BTN3A1: variants seen among roughly 807,000 people sequenced by gnomAD.
BTN3A1 encodes the protein dJ45P21.3 (butyrophilin, subfamily 3, member A1).
Under a neutral mutation model 43.0 loss-of-function variants are expected in BTN3A1, and 24 were observed. The ratio of observed to expected loss-of-function variants is 0.56; its 90% CI spans 0.40 to 0.78. The LOEUF (loss-of-function observed/expected upper bound fraction) is 0.78, where lower values mean the gene tolerates loss of function less well. Among genes scored for constraint, BTN3A1 ranks in the 30% least tolerant of loss-of-function variants. The pLI is 0.00. For synonymous variants in BTN3A1, 181 were observed against 234.7 expected, an observed-to-expected ratio of 0.77 and a Z score of 2.09; for missense variants, 533 against 626.2, an observed-to-expected ratio of 0.85 and a Z score of 1.59.
chr6:26,411,062 C>CA, intron 7 of BTN3A1, 47 bp from the exon 8 acceptor site: 1 of 1,288,244 alleles, frequency 7.8e-7, no homozygotes, highest in Non-Finnish European at 1.1e-6. Flanking sequence ...GGGGCCAAAT[C>CA]AAAAATGGCA....
intron 4 of BTN3A1, among the ~76,000 whole-genome samples, chr6:26,408,406 A>T (rs1762094273): frequency 6.6e-6 from 1 of 152,248 alleles, no homozygotes; most frequent in Non-Finnish European, 1.5e-5. Flanking sequence ...TTAGAGAAAC[A>T]TACTGAATCA....
chr6:26,411,273 G>T, intron 8 of BTN3A1, 138 bp downstream of exon 8: 3 of 1,230,186 alleles, frequency 2.4e-6, no homozygotes, highest in South Asian at 1.5e-5. Context: ...GTGTTGTGGG[G>T]GGTTGATTTC....
intron 1 of BTN3A1, among the ~76,000 whole-genome samples, chr6:26,402,759 T>G (rs1418190352): frequency 6.6e-6 from 1 of 152,232 alleles, no homozygotes; most frequent in Non-Finnish European, 1.5e-5. Context: ...TAGATTCATA[T>G]GTAAATTTGT....
chr6:26,407,148 T>C (rs1399580218), intron 3 of BTN3A1, among the ~76,000 whole-genome samples: 1 of 152,208 alleles, frequency 6.6e-6, no homozygotes, highest in Non-Finnish European at 1.5e-5. Context: ...GAAATTGCTT[T>C]TGTTCAACAG....
At chr6:26,402,522 G>C (rs1280092055) in intron 1 of BTN3A1, 110 bp downstream of exon 1, 1 of 152,388 alleles carries the variant, frequency 6.6e-6, no homozygotes, top group Non-Finnish European at 1.5e-5. Context: ...CCCAGAGAAA[G>C]GGGTGTGTGC....
Position 26,411,102 on chromosome 6 carries a change from A to G in BTN3A1, c.965-7A>G. 6.3e-7 allele frequency: 1 copy of G among 1,599,698 alleles called. No individual in the cohort carries two copies. The highest frequency in any genetic ancestry group is 8.5e-7 in the Non-Finnish European group (1 of 1,174,458). ...CAGGTGACATCTCTATCTTTTTTTC[A>G]TTGTAGGGGGAGAGAGACATTCAGC... On this transcript the variant is annotated splice_polypyrimidine_tract_variant and splice_region_variant and intron_variant, in intron 7 of 9. Transcript: ENST00000289361.
In BTN3A1 at chr6:26,413,415, T is replaced by C; in HGVS notation, c.1265T>C (p.Val422Ala). ...AAGAATGTGCAGAGAAAAGGCTGGG[T>C]CAAAATGACACCTGAGAATGGATTC... ...CSKNVQRKGWVKMTPENGFWT... is the reference protein window; with the variant it reads ...CSKNVQRKGWAKMTPENGFWT... The change falls in exon 10 of 10, where the codon GTC (valine) becomes GCC (alanine). Residue 422 changes from valine to alanine, a missense_variant. By Grantham distance (64) the Val-to-Ala change is moderately conservative (BLOSUM62 0). Coordinates refer to ENST00000289361, the MANE Select transcript of BTN3A1 (RefSeq NM_007048.6). 2 of 1,613,792 alleles carry C rather than the reference T, an allele frequency of 1.2e-6. No homozygotes were observed. The highest frequency in any genetic ancestry group is 1.7e-6 in the Non-Finnish European group (2 of 1,179,954).
rs781510381 is a variant in BTN3A1 at position 26,405,620 on chromosome 6, T to G, written c.57T>G (p.Leu19=). 1 of 1,614,162 alleles carries G rather than the reference T, an allele frequency of 6.2e-7. No homozygotes were observed. Among genetic ancestry groups the G allele is most frequent in the South Asian group, 1.1e-5 (1 of 91,080 alleles). Residue 19 remains leucine (L), a synonymous_variant, in exon 2 of 10, where the codon CTT becomes CTG. Transcript: ENST00000289361. ...FLLLNFRVCL[L]LLQLLMPHSA... The stretch of plus-strand genomic sequence containing the variant: ...TGCTCAACTTTCGTGTCTGCCTCCT[T>G]TTGCTTCAGCTGCTCATGCCTCACT...
intron 7 of BTN3A1, among the ~76,000 whole-genome samples, 187 bp from the exon 8 acceptor site, chr6:26,410,922 G>A (rs974080635): frequency 4.8e-5 from 7 of 145,322 alleles, no homozygotes; most frequent in Admixed American, 1.4e-4. Flanking sequence ...ACTAGCATTC[G>A]ACTGATGTTC....
rs1353785332 is a variant in BTN3A1 at position 26,405,529 on chromosome 6, C to G, written c.-35C>G. ...CTTCTTCCAGGTCATAGTGTCTGCC[C>G]CCCACCTTCCAGTATCTCCTGATAT... is the stretch of plus-strand genomic sequence containing the variant. On this transcript the variant is annotated 5_prime_UTR_variant, in exon 2 of 10. Coordinates refer to ENST00000289361, the MANE Select transcript of BTN3A1 (RefSeq NM_007048.6). The G allele has an allele frequency of 6.3e-7, 1 of 1,596,120 alleles. No homozygotes were observed. Among genetic ancestry groups the G allele is most frequent in the East Asian group, 2.2e-5 (1 of 44,782 alleles).
At position 26,405,451 on chromosome 6, in the gene BTN3A1, C is replaced by T. The variant is rs1761979825; in HGVS notation, c.-113C>T. On this transcript the variant is annotated 5_prime_UTR_variant, in exon 2 of 10. Coordinates refer to ENST00000289361, the MANE Select transcript of BTN3A1 (RefSeq NM_007048.6). ...GCAGAGGAAAGATCTTCTTCGGTCA[C>T]CATACTTGAGTTAGCTCTAGGGAAG... is the stretch of plus-strand genomic sequence containing the variant. 2 of 1,031,322 alleles carry T rather than the reference C, an allele frequency of 1.9e-6. No individual in the cohort carries two copies. Among genetic ancestry groups the T allele is most frequent in the Non-Finnish European group, 3.0e-6 (2 of 667,632 alleles). The allele number at this position is 1,031,322 out of a possible 1,614,324, so 63.9% of individuals were successfully genotyped here.
intron 1 of BTN3A1, among the ~76,000 whole-genome samples, chr6:26,405,123 A>G (rs1039311726): frequency 6.6e-6 from 1 of 152,174 alleles, no homozygotes; most frequent in African/African-American, 2.4e-5. Flanking sequence ...CCATGAGTTG[A>G]CCATGGTGAT....
rs1254019114 is a variant in BTN3A1 at position 26,405,633 on chromosome 6, C to T, written c.70C>T (p.Leu24Phe). 3 of 1,614,198 alleles carry T rather than the reference C, an allele frequency of 1.9e-6. No homozygotes were observed. Among genetic ancestry groups the T allele is most frequent in the Non-Finnish European group, 2.5e-6 (3 of 1,180,032 alleles). ...FRVCLLLLQL[L>F]MPHSAQFSVL... ...TGTCTGCCTCCTTTTGCTTCAGCTG[C>T]TCATGCCTCACTCAGGTAGGGAACA... The change falls in exon 2 of 10, where the codon CTC becomes TTC. Residue 24 changes from leucine to phenylalanine, a missense_variant. This residue lies in a region of BTN3A1 where 56 missense variants were observed against 67.1 expected (regional missense o/e 0.83). Transcript: ENST00000289361.
At position 26,413,588 on chromosome 6, in the gene BTN3A1, T is replaced by G; in HGVS notation, c.1438T>G (p.Ser480Ala). 6.2e-7 allele frequency: 1 copy of G among 1,614,216 alleles called. No individual in the cohort carries two copies. The highest frequency in any genetic ancestry group is 1.3e-5 in the African/African-American group (1 of 75,048). ...DISFYNAVDGSHIHTFLDVSF... is the reference protein window; with the variant it reads ...DISFYNAVDGAHIHTFLDVSF... ...CTCATTCTACAATGCTGTGGATGGA[T>G]CGCATATTCATACTTTCCTGGACGT... The change falls in exon 10 of 10, where the codon TCG (serine) becomes GCG (alanine). Residue 480 changes from serine (S) to alanine (A), a missense_variant. Ser to Ala is a moderately conservative substitution (Grantham distance 99). This residue lies in a region of BTN3A1 where 415 missense variants were observed against 427.0 expected (regional missense o/e 0.97). Coordinates refer to ENST00000289361, the MANE Select transcript of BTN3A1 (RefSeq NM_007048.6).
In BTN3A1 at chr6:26,409,750, G is replaced by A; in HGVS notation, c.916+17G>A. The A allele has an allele frequency of 2.5e-6, 4 of 1,574,408 alleles. No individual in the cohort carries two copies. Among genetic ancestry groups the A allele is most frequent in the Non-Finnish European group, 3.4e-6 (4 of 1,163,788 alleles). On this transcript the variant is annotated intron_variant, in intron 5 of 9. Coordinates refer to ENST00000289361, the MANE Select transcript of BTN3A1 (RefSeq NM_007048.6). ...GCACAAGAGGTAGCTGACCTTGGGA[G>A]TTTATCTGAGCCCCTGGCTTACGGG... is the stretch of plus-strand genomic sequence containing the variant.
chr6:26,406,181 G>C lies in BTN3A1; in HGVS notation c.358G>C (p.Asp120His). 6.8e-7 allele frequency: 1 copy of C among 1,479,644 alleles called. No individual in the cohort carries two copies. Among genetic ancestry groups the C allele is most frequent in the Non-Finnish European group, 9.2e-7 (1 of 1,083,340 alleles). 91.7% of individuals were successfully genotyped at this position (1,479,644 alleles called of 1,614,324 possible). Residue 120 changes from aspartate (D) to histidine (H), a missense_variant, in exon 3 of 10, where the codon GAC (aspartate) becomes CAC (histidine). Transcript: ENST00000289361. ...CCGAATACACAACGTCACAGCCTCT[G>C]ACAGTGGAAAGTACTTGTGTTATTT... ...ALRIHNVTAS[D>H]SGKYLCYFQD...
chr6:26,410,223 AAAAG>A (rs1762164259), intron 7 of BTN3A1, among the ~76,000 whole-genome samples, 191 bp downstream of exon 7: 1 of 152,096 alleles, frequency 6.6e-6, no homozygotes, highest in African/African-American at 2.4e-5. Flanking sequence ...AAGAAAGGAA[AAAAG>A]AAAGAGTGTG....
At position 26,411,582 on chromosome 6, in the gene BTN3A1, G is replaced by C. The variant is rs770847986; in HGVS notation, c.1018+1G>C. The C allele has an allele frequency of 9.3e-6, 15 of 1,613,324 alleles. No individual in the cohort carries two copies. The South Asian group carries it at 1.6e-4, about 18-fold the overall frequency. On this transcript the variant is annotated splice_donor_variant, in intron 9 of 9. Transcript: ENST00000289361. LOFTEE classifies it high-confidence loss of function. The stretch of plus-strand genomic sequence containing the variant: ...TGGAAAAAGGCCCTCTTCAAGCCTG[G>C]TGAGTAAATCACTGTGTGTTCCCTG...
rs199668049 is a variant in BTN3A1, at chr6:26,409,568, G to A, written c.751G>A (p.Ala251Thr). 54 of 1,613,800 alleles carry A rather than the reference G, an allele frequency of 3.3e-5. No homozygotes were observed. Among genetic ancestry groups the A allele is most frequent in the East Asian group, 1.1e-4 (5 of 44,848 alleles). ...CAGGAGCGCCCAGAGGTGGATCGCC[G>A]CCCTGGCAGGGACCCTGCCTGTCTT... ...FFRSAQRWIA[A>T]LAGTLPVLLL... The change falls in exon 5 of 10, where the codon GCC becomes ACC. Residue 251 changes from alanine (A) to threonine (T), a missense_variant. Around this residue, in one of 4 missense-constraint regions of BTN3A1, gnomAD observed 415 missense variants for 427.0 expected, o/e 0.97. Coordinates refer to ENST00000289361, the MANE Select transcript of BTN3A1 (RefSeq NM_007048.6).
Sources: gnomAD v4.1 joint callset for allele counts (sites outside exome capture counted in the v4.1 genomes callset) on GRCh38, gnomAD v4.1.1 for gene constraint, gnomAD v4.1.1 regional missense constraint, MANE v1.5 for transcripts, NCBI Gene and HGNC (gene_info 2026-07-23, HGNC 2026-07-21) for gene names.